ADAM32: variants seen among roughly 807,000 people sequenced by gnomAD.
The protein encoded by ADAM32 is ADAM metallopeptidase domain 32.
Under a neutral mutation model 114.9 loss-of-function variants are expected in ADAM32, and 89 were observed. The ratio of observed to expected loss-of-function variants is 0.77; its 90% confidence interval spans 0.65 to 0.92. The LOEUF (loss-of-function observed/expected upper bound fraction) is 0.92, where lower values mean the gene tolerates loss of function less well. ADAM32 is among the 40% of genes least tolerant of loss of function. The probability of loss-of-function intolerance (pLI) is 0.00; values close to 1 mark genes in which losing one functional copy is unlikely to be tolerated. For missense variants in ADAM32, 870 were observed against 932.8 expected (o/e 0.93, Z 0.88); for synonymous variants, 285 against 307.5 (o/e 0.93, Z 0.77).
chr8:39,147,023 A>G (rs1803544873), intron 3 of ADAM32, 107 bp from the exon 4 acceptor site: 1 of 418,942 alleles, frequency 2.4e-6, no homozygotes, highest in Non-Finnish European at 3.6e-6. Context: ...ACCTTTATTT[A>G]CAAAACAGAG....
intron 17 of ADAM32, among the ~76,000 whole-genome samples, chr8:39,249,201 G>C (rs1309368837): frequency 2.0e-5 from 3 of 152,060 alleles, no homozygotes; most frequent in Non-Finnish European, 1.5e-5. Flanking sequence ...ACTGTGCCAG[G>C]CCTGAGTGTT....
In ADAM32 at chr8:39,164,101, C is replaced by T. The variant is rs181457477; in HGVS notation, c.595-663C>T. Among the ~76,000 whole-genome samples the T allele has an allele frequency of 3.4e-3, 515 of 152,316 alleles. 7 individuals carry two copies. The highest frequency in any genetic ancestry group is 0.011 in the African/African-American group (470 of 41,568). ...CAATTGAGACACTCAACAGTACCAT[C>T]ACCACAGCACTCTCCTGTGTGATCC... is the stretch of plus-strand genomic sequence containing the variant. On this transcript the variant is annotated intron_variant, in intron 7 of 24. Transcript: ENST00000379907.
At chr8:39,176,150 A>AT (rs1301423895) in intron 10 of ADAM32, among the ~76,000 whole-genome samples, 7 of 151,946 alleles carry the variant, frequency 4.6e-5, no homozygotes, top group Non-Finnish European at 8.8e-5. Context: ...GGATTCATTG[A>AT]TTTTTTGAAG....
chr8:39,148,939 A>T (rs1564486522), intron 4 of ADAM32, among the ~76,000 whole-genome samples: 1 of 152,182 alleles, frequency 6.6e-6, no homozygotes, highest in Non-Finnish European at 1.5e-5. Context: ...ATACAATTTA[A>T]TTCCTTTGTA....
At chr8:39,235,846 A>C (rs1810099352) in intron 16 of ADAM32, among the ~76,000 whole-genome samples, 1 of 152,178 alleles carries the variant, frequency 6.6e-6, no homozygotes, top group Non-Finnish European at 1.5e-5. Context: ...TAAAAGTTTA[A>C]AAGGGTTAGA....
At chr8:39,209,266 C>A (rs1028642009) in intron 11 of ADAM32, among the ~76,000 whole-genome samples, 6 of 152,056 alleles carry the variant, frequency 3.9e-5, no homozygotes, top group African/African-American at 1.4e-4. Context: ...GCTTTCGAGA[C>A]CCTCTAATAC....
chr8:39,182,335 G>T (rs1049645963), intron 10 of ADAM32, among the ~76,000 whole-genome samples: 1 of 152,072 alleles, frequency 6.6e-6, no homozygotes, highest in South Asian at 2.1e-4. Flanking sequence ...AAGGAACAAA[G>T]ATTCATGACT....
chr8:39,154,626 C>A lies in ADAM32; in HGVS notation c.525+3078C>A, dbSNP rs564330989. Among the ~76,000 whole-genome samples the A allele has an allele frequency of 5.3e-5, 8 of 152,332 alleles. No individual in the cohort carries two copies. The South Asian group carries it at 1.5e-3, about 28-fold the overall frequency. On this transcript the variant is annotated intron_variant, in intron 6 of 24. Transcript: ENST00000379907. Reference sequence around the variant, plus strand: ...TGAGGAATTGCCACACTGTCTTTCACAATGGTTGAACTAATTTACACTCCC... The same window carrying A: ...TGAGGAATTGCCACACTGTCTTTCAAAATGGTTGAACTAATTTACACTCCC...
chr8:39,266,295 T>G (rs1197996818), intron 19 of ADAM32, among the ~76,000 whole-genome samples: 1 of 152,248 alleles, frequency 6.6e-6, no homozygotes, highest in Non-Finnish European at 1.5e-5. Flanking sequence ...GTTTCAGGAA[T>G]GCCAGCGAGT....
rs76658119 is a variant in ADAM32, at chr8:39,217,117, A to T, written c.1234-4493A>T. ...TTATGTTTAAAGAATATATATATAT[A>T]TTTTTTTACCAGATATGCTATCCTA... is the stretch of plus-strand genomic sequence containing the variant. On this transcript the variant is annotated intron_variant, in intron 12 of 24. Coordinates refer to ENST00000379907, the MANE Select transcript of ADAM32 (RefSeq NM_145004.7). Among the ~76,000 whole-genome samples the T allele has an allele frequency of 8.3e-3, 1,251 of 150,562 alleles. 17 individuals carry two copies. The highest frequency in any genetic ancestry group is 0.027 in the African/African-American group (1,128 of 41,202).
intron 15 of ADAM32, among the ~76,000 whole-genome samples, chr8:39,233,272 C>T (rs1809868601): frequency 6.6e-6 from 1 of 152,124 alleles, no homozygotes; most frequent in Non-Finnish European, 1.5e-5. Context: ...TTATTATATG[C>T]CAAGCAAGAG....
intron 22 of ADAM32, among the ~76,000 whole-genome samples, chr8:39,278,634 C>T (rs186722606): frequency 6.6e-6 from 1 of 151,690 alleles, no homozygotes; most frequent in East Asian, 1.9e-4. Context: ...ACCCTACCCT[C>T]CATTATTATT....
chr8:39,242,057 C>T (rs182896510), intron 16 of ADAM32, among the ~76,000 whole-genome samples: 21 of 152,274 alleles, frequency 1.4e-4, no homozygotes, highest in Non-Finnish European at 2.9e-4. Context: ...GTTCAAAATT[C>T]CACAAATCTC....
chr8:39,239,401 A>C (rs1410811798), intron 16 of ADAM32, among the ~76,000 whole-genome samples: 1 of 152,204 alleles, frequency 6.6e-6, no homozygotes, highest in Non-Finnish European at 1.5e-5. Flanking sequence ...AACCAGCACT[A>C]CAAAAACTGC....
At chr8:39,160,344 T>C (rs1804421392) in intron 6 of ADAM32, among the ~76,000 whole-genome samples, 1 of 152,006 alleles carries the variant, frequency 6.6e-6, no homozygotes, top group South Asian at 2.1e-4. Context: ...ATGGAGACCA[T>C]CCTGGCTAAC....
At chr8:39,180,365 C>T (rs1051289869) in intron 10 of ADAM32, among the ~76,000 whole-genome samples, 18 of 152,198 alleles carry the variant, frequency 1.2e-4, no homozygotes, top group East Asian at 7.7e-4. Context: ...GGCAGGCCTC[C>T]GGACTGCAGC....
intron 2 of ADAM32, among the ~76,000 whole-genome samples, chr8:39,127,543 A>G (rs1372562802): frequency 6.6e-6 from 1 of 151,648 alleles, no homozygotes; most frequent in Non-Finnish European, 1.5e-5. Flanking sequence ...ATCATGTCTG[A>G]TTGTGTTTGA....
At chr8:39,200,937 T>A (rs1471420508) in intron 11 of ADAM32, among the ~76,000 whole-genome samples, 3 of 152,190 alleles carry the variant, frequency 2.0e-5, no homozygotes, top group African/African-American at 7.2e-5. Flanking sequence ...TGGTTATAGA[T>A]GTGTGGTATT....
intron 13 of ADAM32, among the ~76,000 whole-genome samples, chr8:39,222,415 G>T (rs1459968903): frequency 2.0e-5 from 3 of 151,938 alleles, no homozygotes; most frequent in Admixed American, 6.6e-5. Context: ...AATCTTTTTA[G>T]TGTCAGCTGG....
Sources: allele counts gnomAD v4.1 joint callset (sites outside exome capture counted in the v4.1 genomes callset), GRCh38; gene constraint gnomAD v4.1.1; transcripts MANE v1.5; gene names NCBI Gene and HGNC (gene_info 2026-07-23, HGNC 2026-07-21).